The following NUP107 variants were observed in gnomAD, a reference collection of about 807,000 sequenced individuals.
The protein encoded by NUP107 is nuclear pore complex protein Nup107.
A neutral mutation model predicts 141.0 loss-of-function variants in NUP107; 101 were observed. That is an observed-to-expected ratio of 0.72 (90% CI 0.61 to 0.84). The LOEUF (loss-of-function observed/expected upper bound fraction) is 0.84, where lower values mean the gene tolerates loss of function less well. NUP107 is among the 40% of genes least tolerant of loss of function. The pLI, the probability that NUP107 is intolerant of heterozygous loss-of-function variation, is 0.00. For missense variants in NUP107, 941 were observed against 1,102.7 expected, an observed-to-expected ratio of 0.85 and a Z score of 2.08; for synonymous variants, 319 against 363.9, an observed-to-expected ratio of 0.88 and a Z score of 1.41.
intron 9 of NUP107, 32 bp from the exon 10 acceptor site, chr12:68,709,973 A>T: frequency 8.2e-7 from 1 of 1,219,892 alleles, no homozygotes; most frequent in Non-Finnish European, 1.2e-6. Flanking sequence ...TTTGGTAGTT[A>T]ACACTAATTT....
chr12:68,725,837 G>GTGTTT, intron 18 of NUP107, 41 bp downstream of exon 18: 3 of 620,154 alleles, frequency 4.8e-6, no homozygotes, highest in Non-Finnish European at 7.7e-6. Flanking sequence ...TTTTGTGTGT[G>GTGTTT]TTTTTTTTTT....
intron 25 of NUP107, 44 bp from the exon 26 acceptor site, chr12:68,735,187 T>C (rs934167122): frequency 2.5e-6 from 3 of 1,219,710 alleles, no homozygotes; most frequent in Non-Finnish European, 3.7e-6. Context: ...ACATTATTTA[T>C]TGGGTTTTAT....
chr12:68,731,586 T>C, intron 21 of NUP107, 21 bp from the exon 22 acceptor site: 1 of 1,418,722 alleles, frequency 7.0e-7, no homozygotes, highest in Admixed American at 2.4e-5. Flanking sequence ...TTGTTTTTTG[T>C]CGCTTCAAAA....
At chr12:68,694,756 C>T (rs1166186313) in intron 5 of NUP107, among the ~76,000 whole-genome samples, 4 of 152,154 alleles carry the variant, frequency 2.6e-5, no homozygotes, top group African/African-American at 4.8e-5. Context: ...ACAAAATTAG[C>T]TGGGCATGGT....
At chr12:68,734,303 A>G (rs1346370971) in intron 24 of NUP107, among the ~76,000 whole-genome samples, 1 of 152,188 alleles carries the variant, frequency 6.6e-6, no homozygotes, top group East Asian at 1.9e-4. Flanking sequence ...AAAACAAAAA[A>G]AAAATTTTAT....
chr12:68,718,039 A>G (rs1031973177), intron 12 of NUP107, among the ~76,000 whole-genome samples: 24 of 152,170 alleles, frequency 1.6e-4, no homozygotes, highest in African/African-American at 5.1e-4. Context: ...TAGAAGGTAT[A>G]TCTGGCTTTC....
At chr12:68,706,087 G>T in intron 8 of NUP107, 2 of 775,292 alleles carry the variant, frequency 2.6e-6, no homozygotes. Context: ...GCTGGCAGCT[G>T]TACACTCTGG....
intron 15 of NUP107, 92 bp from the exon 16 acceptor site, chr12:68,721,749 G>C: frequency 8.0e-7 from 1 of 1,250,542 alleles, no homozygotes; most frequent in Admixed American, 2.4e-5. Context: ...ATTATAAAGT[G>C]ATTTTATAGT....
chr12:68,724,078 A>C (rs1877459218), intron 17 of NUP107, among the ~76,000 whole-genome samples: 1 of 152,186 alleles, frequency 6.6e-6, no homozygotes, highest in Non-Finnish European at 1.5e-5. Flanking sequence ...CTTAAAGCTC[A>C]GTAAGTTACT....
At chr12:68,703,553 T>G (rs1876438931) in intron 8 of NUP107, among the ~76,000 whole-genome samples, 1 of 151,932 alleles carries the variant, frequency 6.6e-6, no homozygotes, top group South Asian at 2.1e-4. Context: ...TGGGTTCAAG[T>G]GATACTTCTG....
chr12:68,731,542 C>A (rs1182292965), intron 21 of NUP107, 65 bp from the exon 22 acceptor site: 2 of 856,728 alleles, frequency 2.3e-6, no homozygotes, highest in African/African-American at 1.8e-5. Context: ...ATCATTATGA[C>A]TATTTAGAGA....
intron 8 of NUP107, among the ~76,000 whole-genome samples, chr12:68,707,270 A>G (rs1206488526): frequency 6.6e-6 from 1 of 151,726 alleles, no homozygotes; most frequent in African/African-American, 2.4e-5. Flanking sequence ...TTTTTTCCAA[A>G]ATAAAACCTC....
At chr12:68,710,140 G>A (rs755331968) in intron 10 of NUP107, 47 bp downstream of exon 10, 8 of 942,340 alleles carry the variant, frequency 8.5e-6, no homozygotes, top group Non-Finnish European at 1.2e-5. Context: ...TGTTGATATT[G>A]TTCATTCATC....
In NUP107 at chr12:68,732,740, G is replaced by T. The variant is rs942432213; in HGVS notation, c.2101+1G>T. ...AATGCAATTATGAGAAAATTCTTGG[G>T]TATAGTATATTTTTATGCAGCTTCA... On this transcript the variant is annotated splice_donor_variant, in intron 23 of 27. Transcript: ENST00000229179. LOFTEE classifies it high-confidence loss of function. 27 of 1,589,356 alleles carry T rather than the reference G, an allele frequency of 1.7e-5. No homozygotes were observed. The highest frequency in any genetic ancestry group is 2.7e-5 in the African/African-American group (2 of 74,428).
intron 9 of NUP107, 104 bp from the exon 10 acceptor site, chr12:68,709,901 A>G (rs572732495): frequency 1.5e-6 from 1 of 665,886 alleles, no homozygotes. Context: ...AAAAAAAAAT[A>G]AAAAATCTGA....
rs1877334611 is a variant in NUP107 at position 68,721,187 on chromosome 12, CTG to C, written c.1311+12_1311+13del. ...TGGGAATCTTAAGCAGGTATGCAAT[CTG>C]TTTTAATGTTTAAATTTTTTCTGTG... On this transcript the variant is annotated intron_variant, in intron 15 of 27. Coordinates refer to ENST00000229179, the MANE Select transcript of NUP107 (RefSeq NM_020401.4). 2 of 1,588,002 alleles carry C rather than the reference CTG, an allele frequency of 1.3e-6. No homozygotes were observed. Among genetic ancestry groups the C allele is most frequent in the South Asian group, 2.2e-5 (2 of 89,178 alleles).
At position 68,692,412 on chromosome 12, in the gene NUP107, C is replaced by G. The variant is rs113440422; in HGVS notation, c.448+300C>G. On this transcript the variant is annotated intron_variant, in intron 5 of 27. Transcript: ENST00000229179. ...TGGCCAACATGGTGAAACCTCGTCTCTACTAAAAATACAAAAATTAGTTGG... is the reference window on the plus strand; with the variant it reads ...TGGCCAACATGGTGAAACCTCGTCTGTACTAAAAATACAAAAATTAGTTGG... 7.0e-3 allele frequency among the ~76,000 whole-genome samples: 1,065 copies of G among 152,076 alleles called. 6 individuals carry two copies. Among genetic ancestry groups the G allele is most frequent in the Non-Finnish European group, 0.013 (852 of 67,990 alleles).
intron 12 of NUP107, among the ~76,000 whole-genome samples, chr12:68,718,424 G>A (rs2136028654): frequency 6.6e-6 from 1 of 152,296 alleles, no homozygotes; most frequent in African/African-American, 2.4e-5. Flanking sequence ...TTGACTTACT[G>A]ACTTATTGGT....
At chr12:68,733,161 C>T (rs1288809448) in intron 23 of NUP107, among the ~76,000 whole-genome samples, 1 of 152,062 alleles carries the variant, frequency 6.6e-6, no homozygotes, top group Non-Finnish European at 1.5e-5. Context: ...TTGTCCTAAT[C>T]AATTTTGCAA....
Sources: gnomAD v4.1 joint callset for allele counts (sites outside exome capture counted in the v4.1 genomes callset) on GRCh38, gnomAD v4.1.1 for gene constraint, MANE v1.5 for transcripts, NCBI Gene and HGNC (gene_info 2026-07-23, HGNC 2026-07-21) for gene names.